The following PUS7 variants were observed in gnomAD, a reference collection of about 807,000 sequenced individuals.
PUS7 encodes pseudouridylate synthase 7 homolog.
A neutral mutation model predicts 79.8 loss-of-function variants in PUS7; 48 were observed. The observed-to-expected ratio is 0.60, with a 90% CI of 0.48 to 0.76. The LOEUF (loss-of-function observed/expected upper bound fraction) is 0.76, where lower values mean the gene tolerates loss of function less well. Ranked by LOEUF, PUS7 falls within the 30% of genes least tolerant of loss-of-function variation. The pLI, the probability that PUS7 is intolerant of heterozygous loss-of-function variation, is 0.00. For synonymous variants in PUS7, 286 were observed against 272.2 expected (o/e 1.05, Z -0.50); for missense variants, 729 against 797.6 (o/e 0.91, Z 1.04).
rs371310026 is a variant in PUS7, at chr7:105,457,817, C to T, written c.1959G>A (p.Thr653=). 1.1e-5 allele frequency: 17 copies of T among 1,613,942 alleles called. No homozygotes were observed. The highest frequency in any genetic ancestry group is 4.5e-5 in the East Asian group (2 of 44,896). ...LKMDTSIKNQ[T]QLNTTWLR ...AGCGAAGCCAGGTTGTATTCAGCTG[C>T]GTCTGGTTCTTGATACTGGTATCCA... Residue 653 remains threonine, a synonymous_variant, in exon 16 of 16, where the codon ACG becomes ACA. Transcript: ENST00000469408.
chr7:105,464,245 CT>C (rs5886356), intron 13 of PUS7, among the ~76,000 whole-genome samples: 121,475 of 152,148 alleles, frequency 0.8, 50,452 homozygotes, highest in Non-Finnish European at 0.91. Flanking sequence ...GTCAACTTGA[CT>C]GGGGTAAGGG....
intron 5 of PUS7, among the ~76,000 whole-genome samples, chr7:105,499,772 C>T (rs1825175826): frequency 6.6e-6 from 1 of 152,134 alleles, no homozygotes; most frequent in Non-Finnish European, 1.5e-5. Context: ...TGCATAATAA[C>T]AATTTCTATC....
At chr7:105,480,032 C>T (rs1824257324) in intron 9 of PUS7, among the ~76,000 whole-genome samples, 1 of 151,450 alleles carries the variant, frequency 6.6e-6, no homozygotes. Context: ...AAATTAAGAG[C>T]GAGGGAAGGG....
At chr7:105,494,549 ACAGG>A (rs1348052237) in intron 6 of PUS7, among the ~76,000 whole-genome samples, 1 of 151,764 alleles carries the variant, frequency 6.6e-6, no homozygotes, top group African/African-American at 2.4e-5. Flanking sequence ...AGCTAACACT[ACAGG>A]CACATGCCAC....
chr7:105,484,710 T>C (rs574731669), intron 7 of PUS7, among the ~76,000 whole-genome samples: 1 of 151,408 alleles, frequency 6.6e-6, no homozygotes, highest in Admixed American at 6.6e-5. Context: ...TCCCAGCTAC[T>C]TGGGGGCTGA....
At chr7:105,491,639 C>A (rs1178751228) in intron 6 of PUS7, 22 bp from the exon 7 acceptor site, 18 of 1,352,858 alleles carry the variant, frequency 1.3e-5, no homozygotes, top group Non-Finnish European at 1.8e-5. Context: ...GAAACAAGAT[C>A]ATCTGAAGTC....
At chr7:105,463,058 A>G (rs1322524924) in intron 13 of PUS7, among the ~76,000 whole-genome samples, 2 of 152,228 alleles carry the variant, frequency 1.3e-5, no homozygotes, top group African/African-American at 4.8e-5. Context: ...GCTAAACTGC[A>G]TTTTATATGG....
chr7:105,498,834 C>T (rs888392857), intron 5 of PUS7, among the ~76,000 whole-genome samples: 1 of 152,124 alleles, frequency 6.6e-6, no homozygotes, highest in African/African-American at 2.4e-5. Context: ...GCCATGTTGG[C>T]CAGGCAGGTC....
At chr7:105,462,906 A>G (rs979025500) in intron 13 of PUS7, among the ~76,000 whole-genome samples, 156 bp from the exon 14 acceptor site, 1 of 152,220 alleles carries the variant, frequency 6.6e-6, no homozygotes, top group African/African-American at 2.4e-5. Context: ...CCTGGAATCA[A>G]AATTTAGTGA....
intron 7 of PUS7, 30 bp from the exon 8 acceptor site, chr7:105,482,470 C>CAAAAAAGA: frequency 6.5e-7 from 1 of 1,533,688 alleles, no homozygotes; most frequent in Non-Finnish European, 8.8e-7. Flanking sequence ...AGCAACAAAA[C>CAAAAAAGA]AAAAAAGAGT....
chr7:105,506,634 G>A (rs917607877), intron 2 of PUS7, among the ~76,000 whole-genome samples: 4 of 152,022 alleles, frequency 2.6e-5, no homozygotes, highest in African/African-American at 7.3e-5. Flanking sequence ...TTTTGGCCAG[G>A]CTGATCTTGA....
chr7:105,515,040 C>T (rs144732070), intron 1 of PUS7, among the ~76,000 whole-genome samples: 2 of 152,090 alleles, frequency 1.3e-5, no homozygotes, highest in Non-Finnish European at 2.9e-5. Flanking sequence ...GTGATCTGCC[C>T]GCCTTGGCCT....
In PUS7 at chr7:105,459,160, A is replaced by T; in HGVS notation, c.1849+8T>A. The T allele has an allele frequency of 6.3e-7, 1 of 1,583,262 alleles. No individual in the cohort carries two copies. The highest frequency in any genetic ancestry group is 1.1e-5 in the South Asian group (1 of 88,066). On this transcript the variant is annotated splice_region_variant and intron_variant, in intron 15 of 15. Coordinates refer to ENST00000469408, the MANE Select transcript of PUS7 (RefSeq NM_019042.5). ...GTCAACACAGAGCTGATGACTGAGT[A>T]AACTTACCAGAAGCAAAAACTGGTG...
intron 14 of PUS7, among the ~76,000 whole-genome samples, chr7:105,460,718 G>A (rs1219626527): frequency 6.6e-6 from 1 of 151,138 alleles, no homozygotes; most frequent in African/African-American, 2.4e-5. Context: ...GCCGGACGTG[G>A]TAGCGGGCGC....
chr7:105,457,755 TGTGTAC>T lies in PUS7; in HGVS notation c.*29_*34del. The T allele has an allele frequency of 6.2e-7, 1 of 1,605,946 alleles. No homozygotes were observed. Among genetic ancestry groups the T allele is most frequent in the Non-Finnish European group, 8.5e-7 (1 of 1,175,240 alleles). On this transcript the variant is annotated 3_prime_UTR_variant, in exon 16 of 16. Coordinates refer to ENST00000469408, the MANE Select transcript of PUS7 (RefSeq NM_019042.5). ...CACAGGGAGCCAGGAAGCAAACACT[TGTGTAC>T]GTTTTCTAATCTGTGGACAAGGTAC...
chr7:105,505,581 A>G (rs940498030), intron 4 of PUS7, among the ~76,000 whole-genome samples: 7 of 152,118 alleles, frequency 4.6e-5, no homozygotes, highest in Non-Finnish European at 8.8e-5. Flanking sequence ...GTCGCTGTTC[A>G]TTTGTGGTCC....
rs1163571317 is a variant in PUS7, at chr7:105,489,205, C to CT, written c.920+2334dup. On this transcript the variant is annotated intron_variant, in intron 7 of 15. Transcript: ENST00000469408. ...AAGAAAAAGAAACAAAATAAACTGA[C>CT]TTTTTTTTTTTAATCAGAAACAAAA... 3.4e-3 allele frequency among the ~76,000 whole-genome samples: 455 copies of CT among 135,028 alleles called. 5 individuals are homozygous for CT. Among genetic ancestry groups the CT allele is most frequent in the African/African-American group, 0.01 (379 of 37,096 alleles). The allele number at this position is 135,028 out of a possible 152,430, so 88.6% of individuals were successfully genotyped here.
chr7:105,498,873 C>G (rs1434433776), intron 5 of PUS7, among the ~76,000 whole-genome samples: 1 of 152,126 alleles, frequency 6.6e-6, no homozygotes, highest in African/African-American at 2.4e-5. Flanking sequence ...GTGATCTGCC[C>G]GCCTCGGCCT....
At chr7:105,497,906 A>T (rs1019551609) in intron 5 of PUS7, among the ~76,000 whole-genome samples, 1 of 152,250 alleles carries the variant, frequency 6.6e-6, no homozygotes, top group Non-Finnish European at 1.5e-5. Context: ...GAAAATGTCC[A>T]TAATAAAAAC....
Sources: allele counts gnomAD v4.1 joint callset (sites outside exome capture counted in the v4.1 genomes callset), GRCh38; gene constraint gnomAD v4.1.1; transcripts MANE v1.5; gene names NCBI Gene and HGNC (gene_info 2026-07-23, HGNC 2026-07-21).